Variants in GSDME observed in about 807,000 individuals in gnomAD.
GSDME encodes gasdermin-E.
GSDME carries 44 observed loss-of-function variants against 47.5 expected under a neutral mutation model. The ratio of observed to expected loss-of-function variants is 0.93; its 90% CI spans 0.73 to 1.19. The LOEUF is 1.19. Ranked by LOEUF, GSDME falls within the 50% of genes most tolerant of loss-of-function variation. The pLI is 0.00. For missense variants in GSDME, 663 were observed against 604.2 expected, an observed-to-expected ratio of 1.10 and a Z score of -1.02; for synonymous variants, 258 against 252.8, an observed-to-expected ratio of 1.02 and a Z score of -0.20.
Position 24,733,208 on chromosome 7 carries a change from T to C in GSDME, c.404+11354A>G, listed in dbSNP as rs560590146. 6.6e-5 allele frequency among the ~76,000 whole-genome samples: 10 copies of C among 152,160 alleles called. No individual in the cohort carries two copies. The highest frequency in any genetic ancestry group is 4.6e-4 in the Admixed American group (7 of 15,284). ...CTCCTGCCTTAAGGGAAGGATGCAGTTGTGACAGGATTCTTGTTCTTCTGA... is the reference window on the plus strand; with the variant it reads ...CTCCTGCCTTAAGGGAAGGATGCAGCTGTGACAGGATTCTTGTTCTTCTGA... On this transcript the variant is annotated intron_variant, in intron 3 of 9. Coordinates refer to ENST00000645220, the MANE Select transcript of GSDME (RefSeq NM_001127453.2). This position sits in a 1 kb window ranked among gnomAD's most constrained non-coding sequence, Gnocchi z 4.3.
chr7:24,746,411 A>G (rs1449156909), intron 2 of GSDME, among the ~76,000 whole-genome samples: 1 of 152,186 alleles, frequency 6.6e-6, no homozygotes, highest in African/African-American at 2.4e-5. Context: ...TTTGGAGATA[A>G]TTAATGATAG....
the GSDME span, among the ~76,000 whole-genome samples, chr7:24,774,862 G>A: frequency 6.6e-6 from 1 of 152,144 alleles, no homozygotes; most frequent in African/African-American, 2.4e-5. Context: ...AGCTGATGCA[G>A]ATGTGAAACC....
In GSDME at chr7:24,717,339, G is replaced by T; in HGVS notation, c.612C>A (p.Asp204Glu). 1.2e-6 allele frequency: 2 copies of T among 1,614,144 alleles called. 1 individual carries two copies. Among genetic ancestry groups the T allele is most frequent in the South Asian group, 2.2e-5 (2 of 91,086 alleles). Residue 204 changes from aspartate (D) to glutamate (E), a missense_variant, in exon 5 of 10, where the codon GAC (aspartate) becomes GAA (glutamate). Transcript: ENST00000645220. ...CTGGGATCTCCAGCACCACGTTGGA[G>T]TCCTTGGTGACATTCCCATCCTCCG... ...SATEDGNVTK[D>E]SNVVLEIPAA...
At chr7:24,776,367 G>GTCACTTGTTTTAACTTTTTA in the GSDME span, among the ~76,000 whole-genome samples, 1 of 152,026 alleles carries the variant, frequency 6.6e-6, no homozygotes, top group Non-Finnish European at 1.5e-5. Context: ...GGGTTTAATT[G>GTCACTTGTTTTAACTTTTTA]TCACTTGTTT....
rs939047590 is a variant in GSDME, at chr7:24,728,320, G to A, written c.405-9102C>T. ...TGCCACAGGGGCCCACAGAGCCACC[G>A]AACTGACCTTCTGCCGTTAACCATT... On this transcript the variant is annotated intron_variant, in intron 3 of 9. Transcript: ENST00000645220. The surrounding 1 kb of genome is among the most constrained non-coding windows in gnomAD (Gnocchi z 7.2). 2.0e-5 allele frequency among the ~76,000 whole-genome samples: 3 copies of A among 152,292 alleles called. No individual in the cohort carries two copies. Among genetic ancestry groups the A allele is most frequent in the East Asian group, 1.9e-4 (1 of 5,178 alleles).
the GSDME span, among the ~76,000 whole-genome samples, chr7:24,779,165 G>T: frequency 3.3e-5 from 5 of 152,200 alleles, no homozygotes; most frequent in African/African-American, 1.2e-4. This position sits in a 1 kb window ranked among gnomAD's most constrained non-coding sequence, Gnocchi z 6.0. Flanking sequence ...GCAGATACGG[G>T]AAGTTGGTTA....
At chr7:24,718,374 A>T (rs1315589220) in intron 4 of GSDME, among the ~76,000 whole-genome samples, 1 of 152,232 alleles carries the variant, frequency 6.6e-6, no homozygotes, top group African/African-American at 2.4e-5. Flanking sequence ...GAAGTTTAGT[A>T]CTGGCTCACA....
At chr7:24,783,627 T>C in the GSDME span, among the ~76,000 whole-genome samples, 1 of 152,080 alleles carries the variant, frequency 6.6e-6, no homozygotes, top group Admixed American at 6.5e-5. Context: ...GAAAAATCAC[T>C]CTGGTGGCAG....
At chr7:24,750,562 A>G (rs1229435290) in intron 1 of GSDME, among the ~76,000 whole-genome samples, 1 of 152,228 alleles carries the variant, frequency 6.6e-6, no homozygotes, top group African/African-American at 2.4e-5. Context: ...GCAGTGAGCC[A>G]TGATCACGTC....
the GSDME span, among the ~76,000 whole-genome samples, chr7:24,793,220 G>A: frequency 6.6e-6 from 1 of 152,008 alleles, no homozygotes; most frequent in Non-Finnish European, 1.5e-5. Flanking sequence ...CTGACCATAA[G>A]GTAAGATTTT....
In GSDME at chr7:24,747,698, G is replaced by GTCTC. The variant is rs200227218; in HGVS notation, c.211+1865_211+1866insGAGA. ...TTTTTTTTCTTATTTTGGAGACAGGGACTCTGTTGCCCAGGCTGGAATGCA... is the reference window on the plus strand; with the variant it reads ...TTTTTTTTCTTATTTTGGAGACAGGGTCTCACTCTGTTGCCCAGGCTGGAATGCA... On this transcript the variant is annotated intron_variant, in intron 2 of 9. Transcript: ENST00000645220. Among the ~76,000 whole-genome samples the GTCTC allele has an allele frequency of 6.7e-3, 1,012 of 152,022 alleles. 9 individuals are homozygous for GTCTC. The highest frequency in any genetic ancestry group is 0.023 in the African/African-American group (968 of 41,444).
chr7:24,794,627 T>C, the GSDME span, among the ~76,000 whole-genome samples: 1 of 152,160 alleles, frequency 6.6e-6, no homozygotes, highest in Non-Finnish European at 1.5e-5. Context: ...CCACCTCTAA[T>C]GCCCGCCAAT....
intron 9 of GSDME, chr7:24,702,464 C>G (rs1446010652): frequency 2.7e-6 from 1 of 371,094 alleles, no homozygotes; most frequent in Non-Finnish European, 5.3e-6. Context: ...AACACCAAAC[C>G]TTGGCCAAAA....
chr7:24,769,819 T>C, the GSDME span, among the ~76,000 whole-genome samples: 9 of 152,140 alleles, frequency 5.9e-5, no homozygotes, highest in East Asian at 1.9e-4. Flanking sequence ...GACACAGATA[T>C]GGCAGGGATG....
At chr7:24,763,699 C>G in the GSDME span, among the ~76,000 whole-genome samples, 25 of 152,278 alleles carry the variant, frequency 1.6e-4, no homozygotes, top group African/African-American at 5.8e-4. The surrounding 1 kb of genome is among the most constrained non-coding windows in gnomAD (Gnocchi z 4.3). Flanking sequence ...ATAAAGGGAG[C>G]CTACTGTACC....
chr7:24,777,933 T>C, the GSDME span, among the ~76,000 whole-genome samples: 1 of 151,924 alleles, frequency 6.6e-6, no homozygotes, highest in Admixed American at 6.6e-5. Context: ...GCTAAGAACA[T>C]GTATTATGTG....
rs185820224 is a variant in GSDME, at chr7:24,716,763, G to C, written c.697+491C>G. The C allele has an allele frequency of 0.017, 3,252 of 190,896 alleles. 39 individuals carry two copies. The highest frequency in any genetic ancestry group is 0.022 in the Non-Finnish European group (2,029 of 90,646). 11.8% of individuals were successfully genotyped at this position (190,896 alleles called of 1,614,324 possible). ...TAATGCTATTAATAGCAAAGGTGGA[G>C]GAATTAATAAATGACCACTGTGCCA... On this transcript the variant is annotated intron_variant, in intron 5 of 9. Coordinates refer to ENST00000645220, the MANE Select transcript of GSDME (RefSeq NM_001127453.2). This position sits in a 1 kb window ranked among gnomAD's most constrained non-coding sequence, Gnocchi z 4.5.
intron 9 of GSDME, 77 bp from the exon 10 acceptor site, chr7:24,699,336 G>GTAAT: frequency 8.8e-7 from 1 of 1,139,716 alleles, no homozygotes; most frequent in East Asian, 2.4e-5. Context: ...GCACTTGTAG[G>GTAAT]TAATTCTGGG....
At chr7:24,760,058 G>A (rs545038174), upstream of GSDME, among the ~76,000 whole-genome samples, 262 of 152,310 alleles carry the variant, frequency 1.7e-3, no homozygotes, top group African/African-American at 6.1e-3. This position sits in a 1 kb window ranked among gnomAD's most constrained non-coding sequence, Gnocchi z 4.2. Context: ...GCTATGGAAA[G>A]AAAATCTCAC....
Sources: gnomAD v4.1 joint callset for allele counts (sites outside exome capture counted in the v4.1 genomes callset) on GRCh38, gnomAD v4.1.1 for gene constraint, Gnocchi (gnomAD v3.1) non-coding constraint, MANE v1.5 for transcripts, NCBI Gene and HGNC (gene_info 2026-07-23, HGNC 2026-07-21) for gene names.